Variants in ZNF500 observed in about 807,000 individuals in gnomAD.
The protein encoded by ZNF500 is zinc finger protein with KRAB and SCAN domains 18.
ZNF500 carries 31 observed loss-of-function variants against 30.1 expected under a neutral mutation model. The observed-to-expected ratio is 1.03, with a 90% confidence interval of 0.77 to 1.39. The LOEUF is 1.39. Among genes scored for constraint, ZNF500 ranks in the 40% most tolerant of loss-of-function variants. ZNF500 has a pLI of 0.00. For synonymous variants in ZNF500, 392 were observed against 282.0 expected (o/e 1.39, Z -3.91); for missense variants, 817 against 657.8 (o/e 1.24, Z -2.65).
At chr16:4,764,705 C>A (rs975511010) in intron 2 of ZNF500, among the ~76,000 whole-genome samples, 2 of 151,186 alleles carry the variant, frequency 1.3e-5, no homozygotes, top group Admixed American at 6.6e-5. Context: ...TGGCGTGAAT[C>A]CGGGAGGCGG....
downstream of ZNF500, chr16:4,744,759 G>A (rs2081991842): frequency 1.0e-5 from 14 of 1,347,700 alleles, no homozygotes; most frequent in Non-Finnish European, 1.2e-5. Flanking sequence ...CAGTGGAGGA[G>A]CCTGAGGTCC....
At position 4,750,433 on chromosome 16, in the gene ZNF500, T is replaced by A. The variant is rs1226435576; in HGVS notation, c.*1943A>T. ...GCCTCAACTTCCTGGGCTCAAGTGA[T>A]CCTCCAGCCTCAGCCTCTCAAGTAG... On this transcript the variant is annotated 3_prime_UTR_variant, in exon 6 of 6. Transcript: ENST00000219478. 6.6e-6 allele frequency: 1 copy of A among 151,790 alleles called. No homozygotes were observed. Among genetic ancestry groups the A allele is most frequent in the Non-Finnish European group, 1.5e-5 (1 of 68,048 alleles). 9.4% of individuals were successfully genotyped at this position (151,790 alleles called of 1,614,324 possible). A position where few individuals can be genotyped will look rare whatever the true frequency, so the allele number is the denominator to read the frequency against.
intron 2 of ZNF500, chr16:4,763,630 C>A (rs1306286976): frequency 2.0e-6 from 2 of 985,300 alleles, no homozygotes; most frequent in East Asian, 2.3e-4. Flanking sequence ...GCGTAGTCCC[C>A]TTGGGGAGCA....
chr16:4,747,759 T>C (rs2082036858), downstream of ZNF500: 1 of 1,184,172 alleles, frequency 8.4e-7, no homozygotes, highest in Non-Finnish European at 1.2e-6. Flanking sequence ...CCCTCAGACT[T>C]TGGACTGTTG....
rs2082080430 is a variant in ZNF500, at chr16:4,751,780, C to T, written c.*596G>A. On this transcript the variant is annotated 3_prime_UTR_variant, in exon 6 of 6. Transcript: ENST00000219478. ...AAAAGAGACTGGGCATGGCGGCACA[C>T]ACCTGTAACCCCAGCTACTCAGGAG... 1.3e-6 allele frequency: 1 copy of T among 772,584 alleles called. No individual in the cohort carries two copies. The highest frequency in any genetic ancestry group is 2.1e-6 in the Non-Finnish European group (1 of 470,448). The allele number at this position is 772,584 out of a possible 1,614,324, so 47.9% of individuals were successfully genotyped here.
At chr16:4,756,653 C>T (rs1401742339) in intron 5 of ZNF500, 2 of 152,038 alleles carry the variant, frequency 1.3e-5, no homozygotes, top group African/African-American at 4.8e-5. Flanking sequence ...GTAGCTGGGA[C>T]TATAGGTGCA....
At chr16:4,755,165 C>T (rs755847172) in intron 5 of ZNF500, among the ~76,000 whole-genome samples, 13 of 152,138 alleles carry the variant, frequency 8.5e-5, no homozygotes, top group Admixed American at 1.3e-4. Flanking sequence ...TACAGCAATG[C>T]GAGAATGACC....
chr16:4,764,427 G>C (rs1369383721), intron 2 of ZNF500, among the ~76,000 whole-genome samples: 2 of 152,122 alleles, frequency 1.3e-5, no homozygotes, highest in Admixed American at 1.3e-4. Flanking sequence ...TTGGGAGGCT[G>C]AGGCACGAGA....
intron 5 of ZNF500, chr16:4,758,233 A>G (rs1352674649): frequency 6.6e-6 from 1 of 151,816 alleles, no homozygotes; most frequent in Non-Finnish European, 1.5e-5. Flanking sequence ...AATAGATCCA[A>G]TTTTCCTCGG....
At chr16:4,758,153 G>C (rs926422970) in intron 5 of ZNF500, among the ~76,000 whole-genome samples, 1 of 152,022 alleles carries the variant, frequency 6.6e-6, no homozygotes, top group African/African-American at 2.4e-5. Flanking sequence ...ACTCGCCTCG[G>C]CTTCCCAAAG....
In ZNF500 at chr16:4,753,606, G is replaced by A. The variant is rs148188452; in HGVS notation, c.761-548C>T. On this transcript the variant is annotated intron_variant, in intron 5 of 5. Coordinates refer to ENST00000219478, the MANE Select transcript of ZNF500 (RefSeq NM_021646.4). The stretch of plus-strand genomic sequence containing the variant: ...GTTAAGAAACTTACCCAGAATCACC[G>A]GGCTGCTAAGTTACAGAGTGAGGGC... 3.3e-3 allele frequency among the ~76,000 whole-genome samples: 507 copies of A among 152,286 alleles called. 1 individual carries two copies. Among genetic ancestry groups the A allele is most frequent in the Non-Finnish European group, 5.8e-3 (394 of 68,014 alleles).
chr16:4,745,952 C>CAAAAAAA (rs58259917), downstream of ZNF500, among the ~76,000 whole-genome samples: 25 of 113,174 alleles, frequency 2.2e-4, no homozygotes, highest in Middle Eastern at 4.5e-3. Flanking sequence ...GACTCTGTCT[C>CAAAAAAA]AAAAAAAAAA....
At chr16:4,766,848 T>A (rs1266735896) in intron 1 of ZNF500, 169 bp downstream of exon 1, 1 of 152,130 alleles carries the variant, frequency 6.6e-6, no homozygotes, top group African/African-American at 2.4e-5. Flanking sequence ...GCCCCCCAAT[T>A]CCAGGGTCCT....
chr16:4,744,789 A>G (rs891008475), downstream of ZNF500: 1 of 1,496,494 alleles, frequency 6.7e-7, no homozygotes, highest in Admixed American at 1.7e-5. Context: ...TGGAGACCCC[A>G]GGGGTCCTGA....
In ZNF500 at chr16:4,760,520, A is replaced by AGCTGGGTCCATGCATCTTG; in HGVS notation, c.713_731dup (p.Gln245LysfsTer15). On this transcript the variant is annotated frameshift_variant, in exon 5 of 6. Transcript: ENST00000219478. LOFTEE classifies it low-confidence loss of function (END_TRUNC). The stretch of plus-strand genomic sequence containing the variant: ...CATTCTCCAGCGGCGCGTCCCGCTG[A>AGCTGGGTCCATGCATCTTG]GCTGGGTCCATGCATCTTGGCTCCT... 6.2e-7 allele frequency: 1 copy of AGCTGGGTCCATGCATCTTG among 1,613,766 alleles called. No individual in the cohort carries two copies. Among genetic ancestry groups the AGCTGGGTCCATGCATCTTG allele is most frequent in the Non-Finnish European group, 8.5e-7 (1 of 1,179,832 alleles).
chr16:4,762,224 G>A, intron 4 of ZNF500, 47 bp downstream of exon 4: 5 of 1,592,048 alleles, frequency 3.1e-6, no homozygotes, highest in Non-Finnish European at 3.4e-6. Flanking sequence ...CACACAGGAG[G>A]TCGGGCCAGA....
intron 5 of ZNF500, among the ~76,000 whole-genome samples, chr16:4,753,558 T>C (rs1424975585): frequency 6.6e-6 from 1 of 152,168 alleles, no homozygotes; most frequent in African/African-American, 2.4e-5. Flanking sequence ...ATCCTGCAGA[T>C]GGGGAAACCG....
chr16:4,754,650 C>T (rs4785974), intron 5 of ZNF500, among the ~76,000 whole-genome samples: 85,609 of 148,036 alleles, frequency 0.58, 25,288 homozygotes, highest in East Asian at 0.66. Flanking sequence ...GGCGACAGAG[C>T]GAGACTCTGT....
intron 5 of ZNF500, among the ~76,000 whole-genome samples, chr16:4,759,860 T>G (rs1264817926): frequency 1.3e-5 from 2 of 152,094 alleles, no homozygotes; most frequent in Non-Finnish European, 2.9e-5. Context: ...AACATGGTGA[T>G]GAAACCCATC....
Sources: gnomAD v4.1 joint callset for allele counts (sites outside exome capture counted in the v4.1 genomes callset) on GRCh38, gnomAD v4.1.1 for gene constraint, MANE v1.5 for transcripts, NCBI Gene and HGNC (gene_info 2026-07-23, HGNC 2026-07-21) for gene names.